SCN1A: variants seen among roughly 807,000 people sequenced by gnomAD.
The protein encoded by SCN1A is sodium channel protein type 1 subunit alpha.
In SCN1A, 13 loss-of-function variants were observed where a neutral mutation model predicts 193.7. The observed-to-expected ratio is 0.07, with a 90% confidence interval of 0.04 to 0.11. The LOEUF (loss-of-function observed/expected upper bound fraction) is 0.11, where lower values mean the gene tolerates loss of function less well. Among genes scored for constraint, SCN1A ranks in the 10% least tolerant of loss-of-function variants. SCN1A has a pLI of 1.00. For synonymous variants in SCN1A, 781 were observed against 843.6 expected, an observed-to-expected ratio of 0.93 and a Z score of 1.29; for missense variants, 1,432 against 2,451.1, an observed-to-expected ratio of 0.58 and a Z score of 8.78.
At chr2:166,136,262 TA>T (rs1691852853) in intron 1 of SCN1A, among the ~76,000 whole-genome samples, 1 of 152,138 alleles carries the variant, frequency 6.6e-6, no homozygotes, top group Admixed American at 6.6e-5. Flanking sequence ...AATTGACACA[TA>T]GGGGATGTGA....
intron 2 of SCN1A, among the ~76,000 whole-genome samples, chr2:166,119,805 T>C (rs1372673259): frequency 6.6e-6 from 1 of 152,132 alleles, no homozygotes; most frequent in Non-Finnish European, 1.5e-5. Context: ...TCATCAATAA[T>C]TTAAACTAAA....
chr2:166,062,678 G>A (rs936949277), intron 4 of SCN1A, among the ~76,000 whole-genome samples: 1 of 152,090 alleles, frequency 6.6e-6, no homozygotes, highest in African/African-American at 2.4e-5. Context: ...CAAGAGGGAA[G>A]AGTTCAAAGA....
At chr2:166,061,454 C>T (rs754890057) in intron 4 of SCN1A, among the ~76,000 whole-genome samples, 12 of 151,990 alleles carry the variant, frequency 7.9e-5, no homozygotes, top group Non-Finnish European at 1.3e-4. Flanking sequence ...TGTTAAAGGA[C>T]ACAAAATTAC....
chr2:166,144,130 C>T (rs1032772867), intron 1 of SCN1A, among the ~76,000 whole-genome samples: 1 of 152,178 alleles, frequency 6.6e-6, no homozygotes, highest in Admixed American at 6.5e-5. Context: ...CAAGTTGCTA[C>T]TTAATTAACT....
chr2:166,089,975 C>G (rs1181240313), intron 2 of SCN1A, among the ~76,000 whole-genome samples: 1 of 150,230 alleles, frequency 6.7e-6, no homozygotes, highest in African/African-American at 2.5e-5. Context: ...GCTTTAACTC[C>G]GTAGGTCCTA....
chr2:166,135,112 C>T (rs1015317143), intron 1 of SCN1A, among the ~76,000 whole-genome samples: 9 of 152,028 alleles, frequency 5.9e-5, no homozygotes, highest in African/African-American at 1.9e-4. Flanking sequence ...CCCTACCCCC[C>T]GACATCCCTT....
chr2:166,002,507 T>G lies in SCN1A; in HGVS notation c.4249A>C (p.Asn1417His). ...RWKNVKVNFD[N>H]VGFGYLSLLQ... Reference sequence around the variant, plus strand: ...AAAGAGAGATACCCAAATCCTACATTATCAAAGTTTACTTTCACATTTTTC... The same window carrying G: ...AAAGAGAGATACCCAAATCCTACATGATCAAAGTTTACTTTCACATTTTTC... The change falls in exon 24 of 29, where the codon AAT becomes CAT. Residue 1417 changes from asparagine (N) to histidine (H), a missense_variant. Around this residue, in one of 18 missense-constraint regions of SCN1A, gnomAD observed 107 missense variants for 259.4 expected, o/e 0.41. Coordinates refer to ENST00000674923, the MANE Select transcript of SCN1A (RefSeq NM_001165963.4). 6.2e-7 allele frequency: 1 copy of G among 1,611,576 alleles called. No homozygotes were observed. The highest frequency in any genetic ancestry group is 8.5e-7 in the Non-Finnish European group (1 of 1,178,526).
chr2:166,093,711 A>G (rs1215305989), intron 2 of SCN1A, among the ~76,000 whole-genome samples: 1 of 152,204 alleles, frequency 6.6e-6, no homozygotes, highest in African/African-American at 2.4e-5. Context: ...TTTGAATACA[A>G]GTGTTCTGAC....
intron 15 of SCN1A, among the ~76,000 whole-genome samples, chr2:166,041,670 T>A (rs1204452550): frequency 6.6e-6 from 1 of 152,184 alleles, no homozygotes; most frequent in African/African-American, 2.4e-5. Context: ...AGAGCCCAGG[T>A]AACAATGGGT....
At chr2:166,032,202 TACAC>T in intron 19 of SCN1A, among the ~76,000 whole-genome samples, 15 of 77,218 alleles carry the variant, frequency 1.9e-4, no homozygotes, top group African/African-American at 6.4e-4. Flanking sequence ...TTGAAAGTCA[TACAC>T]ACACACACAC....
At position 166,048,580 on chromosome 2, in the gene SCN1A, C is replaced by T. The variant is rs969139403; in HGVS notation, c.1028+306G>A. 3.2e-4 allele frequency among the ~76,000 whole-genome samples: 49 copies of T among 152,080 alleles called. 1 individual carries two copies. The highest frequency in any genetic ancestry group is 2.9e-5 in the Non-Finnish European group (2 of 68,010). On this transcript the variant is annotated intron_variant, in intron 10 of 28. Transcript: ENST00000674923. Reference sequence around the variant, plus strand: ...AGTATCCCATGATGTATATGTACCACATTTTCTTTATCCAGCCTATCATTG... The same window carrying T: ...AGTATCCCATGATGTATATGTACCATATTTTCTTTATCCAGCCTATCATTG...
At chr2:166,118,845 T>A (rs1279955318) in intron 2 of SCN1A, among the ~76,000 whole-genome samples, 1 of 152,152 alleles carries the variant, frequency 6.6e-6, no homozygotes, top group African/African-American at 2.4e-5. Flanking sequence ...TTTATTGGAT[T>A]TTTTCTTTAA....
chr2:166,128,765 A>G (rs1331907341), upstream of SCN1A, among the ~76,000 whole-genome samples: 1 of 152,202 alleles, frequency 6.6e-6, no homozygotes, highest in Non-Finnish European at 1.5e-5. Flanking sequence ...TAATAAGCAA[A>G]TATATATAGA....
chr2:166,028,266 C>CA (rs1695068399), intron 19 of SCN1A, among the ~76,000 whole-genome samples: 1 of 151,866 alleles, frequency 6.6e-6, no homozygotes, highest in South Asian at 2.1e-4. Flanking sequence ...GGAAAGAAAA[C>CA]AAAAAAATTC....
intron 2 of SCN1A, among the ~76,000 whole-genome samples, chr2:166,117,964 A>AG (rs1690055601): frequency 2.0e-5 from 3 of 147,920 alleles, no homozygotes; most frequent in Non-Finnish European, 3.0e-5. Context: ...CTCTGTCTCA[A>AG]AAAAAAAAAT....
At chr2:166,078,842 T>G in intron 2 of SCN1A, among the ~76,000 whole-genome samples, 1 of 151,598 alleles carries the variant, frequency 6.6e-6, no homozygotes, top group East Asian at 1.9e-4. Context: ...TTAAAATGAA[T>G]TTTGGTTTCA....
intron 9 of SCN1A, 70 bp downstream of exon 9, chr2:166,051,649 T>C (rs1698562752): frequency 6.5e-6 from 8 of 1,238,710 alleles, no homozygotes; most frequent in Non-Finnish European, 9.1e-6. Context: ...GCCCCTCAAG[T>C]ATTTATCCTT....
intron 4 of SCN1A, among the ~76,000 whole-genome samples, chr2:166,062,755 A>G (rs1041488213): frequency 6.6e-6 from 1 of 152,138 alleles, no homozygotes; most frequent in Admixed American, 6.5e-5. Context: ...GCTAATCAAG[A>G]TTTATGAACT....
At chr2:166,125,999 AAAC>A (rs1293332383) in intron 2 of SCN1A, among the ~76,000 whole-genome samples, 1 of 152,196 alleles carries the variant, frequency 6.6e-6, no homozygotes, top group Non-Finnish European at 1.5e-5. Flanking sequence ...CAAAACAGAC[AAAC>A]AATGTGAAGG....
Sources: gnomAD v4.1 joint callset for allele counts (sites outside exome capture counted in the v4.1 genomes callset) on GRCh38, gnomAD v4.1.1 for gene constraint, gnomAD v4.1.1 regional missense constraint, MANE v1.5 for transcripts, NCBI Gene and HGNC (gene_info 2026-07-23, HGNC 2026-07-21) for gene names.